Variants in SMARCC1 observed in about 807,000 individuals in gnomAD.
The protein encoded by SMARCC1 is SWI/SNF complex subunit SMARCC1.
In SMARCC1, 43 loss-of-function variants were observed where a neutral mutation model predicts 147.4. The observed-to-expected ratio is 0.29, with a 90% CI of 0.23 to 0.38. The LOEUF is 0.38. Ranked by LOEUF, SMARCC1 falls within the 10% of genes least tolerant of loss-of-function variation. The pLI, the probability that SMARCC1 is intolerant of heterozygous loss-of-function variation, is 1.00. For synonymous variants in SMARCC1, 495 were observed against 484.4 expected (o/e 1.02, Z -0.29); for missense variants, 1,119 against 1,381.1 (o/e 0.81, Z 3.01).
intron 12 of SMARCC1, among the ~76,000 whole-genome samples, chr3:47,692,101 G>A (rs1216788299): frequency 6.6e-6 from 1 of 152,110 alleles, no homozygotes; most frequent in African/African-American, 2.4e-5. Context: ...ATCCCTTTCA[G>A]GTTTAAAGTT....
intron 1 of SMARCC1, among the ~76,000 whole-genome samples, chr3:47,778,401 T>A (rs769650651): frequency 6.6e-6 from 1 of 151,880 alleles, no homozygotes; most frequent in Non-Finnish European, 1.5e-5. Flanking sequence ...CTCGACCTCC[T>A]AGGCTCAAGT....
At chr3:47,708,076 T>TTTTTTTCTTTTTTTC (rs2034032468) in intron 9 of SMARCC1, among the ~76,000 whole-genome samples, 1 of 82,742 alleles carries the variant, frequency 1.2e-5, no homozygotes, top group Admixed American at 1.9e-4. Context: ...GAAGTTGAAT[T>TTTTTTTCTTTTTTTC]TTTTTTCTTT....
At position 47,701,751 on chromosome 3, in the gene SMARCC1, T is replaced by G. The variant is rs148964638; in HGVS notation, c.1041-349A>C. On this transcript the variant is annotated intron_variant, in intron 10 of 27. Coordinates refer to ENST00000254480, the MANE Select transcript of SMARCC1 (RefSeq NM_003074.4). Reference sequence around the variant, plus strand: ...ATCGCTTGAACCCGGAAGGTGGAGGTTGGAGTGAGCTGAGATGGCGCCAGT... The same window carrying G: ...ATCGCTTGAACCCGGAAGGTGGAGGGTGGAGTGAGCTGAGATGGCGCCAGT... 1.3e-3 allele frequency: 260 copies of G among 203,216 alleles called. 4 individuals are homozygous for G. The East Asian group carries it at 0.024, about 19-fold the overall frequency. The allele number at this position is 203,216 out of a possible 1,614,324, so 12.6% of individuals were successfully genotyped here.
intron 21 of SMARCC1, among the ~76,000 whole-genome samples, chr3:47,651,876 G>A (rs901270050): frequency 6.6e-6 from 1 of 152,180 alleles, no homozygotes; most frequent in African/African-American, 2.4e-5. Context: ...GAAATGATGT[G>A]ATAATATGAT....
chr3:47,744,990 AGGCACGGT>A (rs778305236), intron 3 of SMARCC1, among the ~76,000 whole-genome samples: 5 of 152,226 alleles, frequency 3.3e-5, no homozygotes, highest in African/African-American at 7.2e-5. Context: ...CTATCTGGCC[AGGCACGGT>A]GGCTCACACC....
chr3:47,591,350 G>A (rs574213070), intron 26 of SMARCC1, among the ~76,000 whole-genome samples: 1 of 150,724 alleles, frequency 6.6e-6, no homozygotes, highest in African/African-American at 2.4e-5. Context: ...ATTCTGATTT[G>A]AATCCCCAAT....
chr3:47,692,150 G>C (rs1332771874), intron 12 of SMARCC1, among the ~76,000 whole-genome samples: 1 of 152,106 alleles, frequency 6.6e-6, no homozygotes, highest in Non-Finnish European at 1.5e-5. Flanking sequence ...GAAAACAATA[G>C]GTTCTCCTTT....
intron 13 of SMARCC1, among the ~76,000 whole-genome samples, chr3:47,688,017 T>C (rs2033746685): frequency 6.6e-6 from 1 of 152,146 alleles, no homozygotes; most frequent in Non-Finnish European, 1.5e-5. Flanking sequence ...CCCAGCACTT[T>C]GGGAGGCCGA....
intron 6 of SMARCC1, among the ~76,000 whole-genome samples, chr3:47,725,841 C>T (rs996451533): frequency 3.3e-5 from 5 of 151,642 alleles, no homozygotes; most frequent in African/African-American, 1.2e-4. Flanking sequence ...TCGGGTGAAT[C>T]ACCTGAGGTC....
intron 5 of SMARCC1, among the ~76,000 whole-genome samples, chr3:47,730,299 G>GC (rs1400858180): frequency 6.6e-5 from 10 of 152,172 alleles, no homozygotes; most frequent in Non-Finnish European, 2.9e-5. Flanking sequence ...ACTAGTCTGG[G>GC]CAACACAGTG....
At chr3:47,769,282 A>AGAGGT (rs2034879058) in intron 2 of SMARCC1, among the ~76,000 whole-genome samples, 1 of 150,852 alleles carries the variant, frequency 6.6e-6, no homozygotes, top group African/African-American at 2.4e-5. Flanking sequence ...TTTGAGAAGC[A>AGAGGT]GAGGTGGCCG....
chr3:47,653,995 C>T (rs1484844712), intron 21 of SMARCC1, among the ~76,000 whole-genome samples: 2 of 152,164 alleles, frequency 1.3e-5, no homozygotes, highest in Non-Finnish European at 2.9e-5. Flanking sequence ...CCCAAAGAAA[C>T]CAAGGTTGCT....
At chr3:47,781,572 T>C in intron 1 of SMARCC1, 31 bp downstream of exon 1, 2 of 1,460,556 alleles carry the variant, frequency 1.4e-6, no homozygotes, top group East Asian at 5.6e-5. Context: ...GGTCGCGTGG[T>C]CTCCCGGCCC....
chr3:47,729,368 G>A (rs2034340154), intron 5 of SMARCC1, among the ~76,000 whole-genome samples: 1 of 152,098 alleles, frequency 6.6e-6, no homozygotes, highest in Non-Finnish European at 1.5e-5. Context: ...ATCCATATCA[G>A]TAATATGGGT....
chr3:47,752,693 G>A (rs1384220319), intron 2 of SMARCC1, among the ~76,000 whole-genome samples: 11 of 152,094 alleles, frequency 7.2e-5, no homozygotes. Flanking sequence ...AGTAGGCTGA[G>A]TCAGGAGGGC....
chr3:47,600,656 C>A (rs775895020), intron 26 of SMARCC1, among the ~76,000 whole-genome samples: 2 of 152,118 alleles, frequency 1.3e-5, no homozygotes, highest in Non-Finnish European at 2.9e-5. Flanking sequence ...GAGTAACTTT[C>A]CCCTTAGAAA....
Position 47,689,391 on chromosome 3 carries a change from C to T in SMARCC1, c.1259G>A (p.Gly420Glu). Residue 420 changes from glycine to glutamate, a missense_variant, in exon 13 of 28, where the codon GGA (glycine) becomes GAA (glutamate). Transcript: ENST00000254480. ...CAGGCTTAACTGAATTGTTACCTTT[C>T]CTCCTGCTGTGACTGTTTCTTCATC... ...EQDEETVTAG[G>E]KEDEDPAKGD... The T allele has an allele frequency of 6.2e-7, 1 of 1,612,636 alleles. No homozygotes were observed. The highest frequency in any genetic ancestry group is 8.5e-7 in the Non-Finnish European group (1 of 1,178,686).
At chr3:47,731,457 G>A (rs565019289) in intron 5 of SMARCC1, among the ~76,000 whole-genome samples, 3 of 152,154 alleles carry the variant, frequency 2.0e-5, no homozygotes, top group South Asian at 2.1e-4. Flanking sequence ...CTGATGAATC[G>A]CATGTGTTCT....
chr3:47,719,814 C>A (rs1244339906), intron 7 of SMARCC1, among the ~76,000 whole-genome samples: 2 of 152,094 alleles, frequency 1.3e-5, no homozygotes, highest in Admixed American at 1.3e-4. Flanking sequence ...CGGCTCACTG[C>A]AACCTCCGCT....
Sources: gnomAD v4.1 joint callset for allele counts (sites outside exome capture counted in the v4.1 genomes callset) on GRCh38, gnomAD v4.1.1 for gene constraint, MANE v1.5 for transcripts, NCBI Gene and HGNC (gene_info 2026-07-23, HGNC 2026-07-21) for gene names.